CSMD1: variants seen among roughly 807,000 people sequenced by gnomAD.
The protein encoded by CSMD1 is CUB and sushi domain-containing protein 1.
In CSMD1, 213 loss-of-function variants were observed where a neutral mutation model predicts 417.5. The observed-to-expected ratio is 0.51, with a 90% CI of 0.46 to 0.57. CSMD1 has a LOEUF of 0.57. CSMD1 is among the 20% of genes least tolerant of loss of function. The pLI is 0.00. For synonymous variants in CSMD1, 2,862 were observed against 1,736.8 expected (o/e 1.65, Z -16.11); for missense variants, 6,923 against 4,529.7 (o/e 1.53, Z -15.17).
At chr8:3,816,946 T>A (rs1333836628) in intron 5 of CSMD1, among the ~76,000 whole-genome samples, 1 of 152,074 alleles carries the variant, frequency 6.6e-6, no homozygotes, top group Non-Finnish European at 1.5e-5. Context: ...AGGCAGCGAA[T>A]CAAGAGAAAG....
intron 10 of CSMD1, among the ~76,000 whole-genome samples, chr8:3,496,464 T>C (rs930698131): frequency 6.6e-6 from 1 of 152,224 alleles, no homozygotes; most frequent in Non-Finnish European, 1.5e-5. Flanking sequence ...AGTGTTTATT[T>C]GAAATCTTTC....
intron 15 of CSMD1, among the ~76,000 whole-genome samples, chr8:3,400,164 G>C (rs999671355): frequency 6.6e-6 from 1 of 152,166 alleles, no homozygotes; most frequent in African/African-American, 2.4e-5. Flanking sequence ...TTACTGCTCA[G>C]TGAAAGTGAT....
chr8:4,956,385 T>C (rs114119224), intron 1 of CSMD1, among the ~76,000 whole-genome samples: 2,055 of 150,468 alleles, frequency 0.014, 26 homozygotes, highest in Non-Finnish European at 0.023. Context: ...ATATAAGATG[T>C]ATATATACAC....
intron 3 of CSMD1, among the ~76,000 whole-genome samples, chr8:4,395,132 C>G (rs142962516): frequency 1.3e-5 from 2 of 152,168 alleles, no homozygotes; most frequent in African/African-American, 2.4e-5. Context: ...GGAGCTGAAG[C>G]CCTTTGTCCC....
intron 1 of CSMD1, among the ~76,000 whole-genome samples, chr8:4,782,969 C>A (rs1341489308): frequency 2.0e-5 from 3 of 149,808 alleles, no homozygotes; most frequent in Non-Finnish European, 3.0e-5. Context: ...AAAAAGACGA[C>A]TTCAGATTAG....
intron 1 of CSMD1, among the ~76,000 whole-genome samples, chr8:4,709,735 G>A (rs1454760262): frequency 6.6e-6 from 1 of 152,210 alleles, no homozygotes. Flanking sequence ...GGAAGGCTGG[G>A]TGCAGGTGAG....
intron 10 of CSMD1, among the ~76,000 whole-genome samples, chr8:3,510,185 G>A (rs1206730354): frequency 6.7e-6 from 1 of 149,576 alleles, no homozygotes; most frequent in Non-Finnish European, 1.5e-5. Context: ...CAAGTAGGGT[G>A]TGCTGTACTG....
At chr8:4,960,996 A>G (rs1465908378) in intron 1 of CSMD1, among the ~76,000 whole-genome samples, 2 of 152,090 alleles carry the variant, frequency 1.3e-5, no homozygotes, top group Admixed American at 1.3e-4. Context: ...TCCTAACATC[A>G]TAGATGAGCA....
intron 1 of CSMD1, among the ~76,000 whole-genome samples, chr8:4,662,511 G>A (rs757060211): frequency 2.0e-5 from 3 of 152,196 alleles, no homozygotes; most frequent in African/African-American, 4.8e-5. Flanking sequence ...GTGGTGAAAA[G>A]TCCATCTGTG....
Position 3,411,796 on chromosome 8 carries a change from G to T in CSMD1, c.1562-2191C>A, listed in dbSNP as rs1812738109. ...TGTGTATATACCTGTATATATACACGTATATATACACGTATATATACGTGT... is the reference window on the plus strand; with the variant it reads ...TGTGTATATACCTGTATATATACACTTATATATACACGTATATATACGTGT... On this transcript the variant is annotated intron_variant, in intron 12 of 69. Transcript: ENST00000635120. 1.8e-5 allele frequency among the ~76,000 whole-genome samples: 2 copies of T among 108,310 alleles called. 1 individual carries two copies. Among genetic ancestry groups the T allele is most frequent in the African/African-American group, 7.7e-5 (2 of 26,090 alleles). The allele number at this position is 108,310 out of a possible 152,430, so 71.1% of individuals were successfully genotyped here. A position where few individuals can be genotyped will look rare whatever the true frequency, so the allele number is the denominator to read the frequency against.
At chr8:3,351,796 T>A (rs1254751316) in intron 21 of CSMD1, among the ~76,000 whole-genome samples, 1 of 149,660 alleles carries the variant, frequency 6.7e-6, no homozygotes, top group African/African-American at 2.4e-5. Flanking sequence ...ATGTATAATA[T>A]ACATACAATG....
intron 23 of CSMD1, among the ~76,000 whole-genome samples, chr8:3,322,679 A>G (rs1806228270): frequency 6.6e-6 from 1 of 152,244 alleles, no homozygotes; most frequent in South Asian, 2.1e-4. Flanking sequence ...TGCATTATGG[A>G]GGTGTCAGAC....
chr8:3,679,164 G>C (rs989207628), intron 7 of CSMD1, among the ~76,000 whole-genome samples: 5 of 152,056 alleles, frequency 3.3e-5, no homozygotes, highest in African/African-American at 1.2e-4. Context: ...ATAATGACAG[G>C]ATCAAATTCA....
At chr8:4,990,053 C>G (rs1356979253) in intron 1 of CSMD1, among the ~76,000 whole-genome samples, 2 of 152,156 alleles carry the variant, frequency 1.3e-5, no homozygotes, top group Non-Finnish European at 2.9e-5. Flanking sequence ...TCTCTCTTCC[C>G]GAGGCCTCTG....
chr8:4,103,351 T>A (rs1376553897), intron 3 of CSMD1, among the ~76,000 whole-genome samples: 1 of 151,506 alleles, frequency 6.6e-6, no homozygotes, highest in Non-Finnish European at 1.5e-5. Flanking sequence ...AAAAGTTGGT[T>A]TTGAATTCCA....
chr8:4,387,592 A>AAAAAAAAAAAAT (rs1803542375), intron 3 of CSMD1, among the ~76,000 whole-genome samples: 1 of 148,704 alleles, frequency 6.7e-6, no homozygotes, highest in Admixed American at 6.6e-5. Flanking sequence ...AAAAAAAAAA[A>AAAAAAAAAAAAT]GAGTTGAATG....
Position 3,248,494 on chromosome 8 carries a change from G to T in CSMD1, c.4154-18263C>A, listed in dbSNP as rs575334035. Among the ~76,000 whole-genome samples, 9 of 147,748 alleles carry T rather than the reference G, an allele frequency of 6.1e-5. No homozygotes were observed. In the East Asian group the frequency reaches 1.8e-3, roughly 29 times the overall value. Reference sequence around the variant, plus strand: ...CCAGTGACATCAGTGAAGCCCCTCTGCCAGGTACGCCTGTAATCAATTCCC... The same window carrying T: ...CCAGTGACATCAGTGAAGCCCCTCTTCCAGGTACGCCTGTAATCAATTCCC... On this transcript the variant is annotated intron_variant, in intron 26 of 69. Transcript: ENST00000635120.
intron 21 of CSMD1, among the ~76,000 whole-genome samples, chr8:3,356,898 A>G (rs1469580771): frequency 6.6e-6 from 1 of 152,080 alleles, no homozygotes; most frequent in Non-Finnish European, 1.5e-5. Flanking sequence ...TAGTAGGGGA[A>G]GCACTGACCA....
intron 5 of CSMD1, among the ~76,000 whole-genome samples, chr8:3,835,117 G>C (rs1220697646): frequency 1.3e-5 from 2 of 148,318 alleles, no homozygotes; most frequent in South Asian, 2.1e-4. Context: ...TACACTGTTG[G>C]TGGGACTGTA....
Sources: allele counts gnomAD v4.1 joint callset (sites outside exome capture counted in the v4.1 genomes callset), GRCh38; gene constraint gnomAD v4.1.1; transcripts MANE v1.5; gene names NCBI Gene and HGNC (gene_info 2026-07-23, HGNC 2026-07-21).